Variants in PRMT5 observed in about 807,000 individuals in gnomAD.
PRMT5 encodes the protein protein arginine methyltransferase 5, also known as protein arginine N-methyltransferase 5.
A neutral mutation model predicts 84.0 loss-of-function variants in PRMT5; 15 were observed. That is an observed-to-expected ratio of 0.18 (90% CI 0.12 to 0.28). PRMT5 has a LOEUF of 0.28. PRMT5 is among the 10% of genes least tolerant of loss of function. The pLI, the probability that PRMT5 is intolerant of heterozygous loss-of-function variation, is 1.00. For missense variants in PRMT5, 486 were observed against 808.0 expected (o/e 0.60, Z 4.83); for synonymous variants, 276 against 292.4 (o/e 0.94, Z 0.57).
In PRMT5 at chr14:22,922,969, CAGA is replaced by C; in HGVS notation, c.1485+79_1485+81del. On this transcript the variant is annotated intron_variant, in intron 13 of 16. Transcript: ENST00000324366. ...TTCTCCTTCACCTCTTCATCCCCAG[CAGA>C]AGAAAATAGCTGATGCAAATACAGA... 4 of 1,413,448 alleles carry C rather than the reference CAGA, an allele frequency of 2.8e-6. No homozygotes were observed. In the South Asian group the frequency reaches 4.9e-5, roughly 17 times the overall value. 87.6% of individuals were successfully genotyped at this position (1,413,448 alleles called of 1,614,324 possible). A position where few individuals can be genotyped will look rare whatever the true frequency, so the allele number is the denominator to read the frequency against.
At chr14:22,921,100 T>C (rs576334831) in intron 16 of PRMT5, 44 bp from the exon 17 acceptor site, 1 of 1,607,040 alleles carries the variant, frequency 6.2e-7, no homozygotes, top group African/African-American at 1.3e-5. Context: ...AGCTATGAAT[T>C]ATACATGGCA....
chr14:22,927,936 C>T (rs952506700), intron 3 of PRMT5, among the ~76,000 whole-genome samples, 190 bp downstream of exon 3: 8 of 151,936 alleles, frequency 5.3e-5, no homozygotes, highest in African/African-American at 7.3e-5. Context: ...CTCGAAATCC[C>T]GAGCTCCAGT....
At position 22,926,307 on chromosome 14, in the gene PRMT5, C is replaced by T. The variant is rs956474313; in HGVS notation, c.614-11G>A. 2 of 1,611,520 alleles carry T rather than the reference C, an allele frequency of 1.2e-6. No individual in the cohort carries two copies. Among genetic ancestry groups the T allele is most frequent in the Admixed American group, 3.4e-5 (2 of 59,442 alleles). On this transcript the variant is annotated splice_polypyrimidine_tract_variant and intron_variant, in intron 6 of 16. Coordinates refer to ENST00000324366, the MANE Select transcript of PRMT5 (RefSeq NM_006109.5). ...CCCCAATTTCAAGAGCTACATGAGG[C>T]AAAAGAAAAACTGTCAACCACTGCC...
At chr14:22,921,884 TAAAAAA>T (rs34529278) in intron 16 of PRMT5, among the ~76,000 whole-genome samples, 4 of 120,014 alleles carry the variant, frequency 3.3e-5, no homozygotes, top group Non-Finnish European at 6.7e-5. Flanking sequence ...TCCGTCTCTT[TAAAAAA>T]AAAAAAAAAA....
In PRMT5 at chr14:22,928,771, A is replaced by G. The variant is rs1279005384; in HGVS notation, c.111-156T>C. ...AGTTCAGACCACCTTGGGGGATATC[A>G]ACTCTGCTGTACTGTGCCTCAATTT... On this transcript the variant is annotated intron_variant, in intron 1 of 16. Coordinates refer to ENST00000324366, the MANE Select transcript of PRMT5 (RefSeq NM_006109.5). The surrounding 1 kb of genome is among the most constrained non-coding windows in gnomAD (Gnocchi z 4.8). Among the ~76,000 whole-genome samples the G allele has an allele frequency of 6.6e-6, 1 of 152,142 alleles. No homozygotes were observed. The highest frequency in any genetic ancestry group is 1.5e-5 in the Non-Finnish European group (1 of 68,018).
rs1402305196 is a variant in PRMT5, at chr14:22,929,343, C to A, written c.19G>T (p.Gly7Trp). The A allele has an allele frequency of 6.2e-7, 1 of 1,609,682 alleles. No homozygotes were observed. Among genetic ancestry groups the A allele is most frequent in the East Asian group, 2.2e-5 (1 of 44,766 alleles). The change falls in exon 1 of 17, where the codon GGG (glycine) becomes TGG (tryptophan). Residue 7 changes from glycine (G) to tryptophan (W), a missense_variant. By Grantham distance (184) the Gly-to-Trp change is radical (BLOSUM62 -2). Transcript: ENST00000324366. MAAMAV[G>W]GAGGSRVSSG... Reference sequence around the variant, plus strand: ...GACACGCGGCTCCCACCAGCACCCCCGACCGCCATCGCCGCCATCTTTCTC... The same window carrying A: ...GACACGCGGCTCCCACCAGCACCCCAGACCGCCATCGCCGCCATCTTTCTC...
rs770184636 is a variant in PRMT5, at chr14:22,924,562, T to C, written c.1018-25A>G. On this transcript the variant is annotated intron_variant, in intron 9 of 16. Coordinates refer to ENST00000324366, the MANE Select transcript of PRMT5 (RefSeq NM_006109.5). The surrounding 1 kb of genome is among the most constrained non-coding windows in gnomAD (Gnocchi z 6.5). ...CCTGGAGGGAGGAGAGAATATCCCA[T>C]GGTTGTAATCCCATCCTCCCCAGGT... The C allele has an allele frequency of 2.5e-6, 4 of 1,613,380 alleles. No individual in the cohort carries two copies. The highest frequency in any genetic ancestry group is 3.4e-6 in the Non-Finnish European group (4 of 1,179,300).
Position 22,924,495 on chromosome 14 carries a change from TCTC to T in PRMT5, c.1057_1059del (p.Glu353del). On this transcript the variant is annotated inframe_deletion, in exon 10 of 17. Transcript: ENST00000324366. The surrounding 1 kb of genome is among the most constrained non-coding windows in gnomAD (Gnocchi z 6.5). ...AGCACTCACTGGACATTGGTATCCT[TCTC>T]CTCTTCTGGTACTCGGTCTAGCAGA... The T allele has an allele frequency of 1.2e-6, 2 of 1,614,064 alleles. No homozygotes were observed. The highest frequency in any genetic ancestry group is 8.5e-7 in the Non-Finnish European group (1 of 1,179,970).
rs1197251163 is a variant in PRMT5 at position 22,924,801 on chromosome 14, T to C, written c.939+78A>G. 44 of 1,591,628 alleles carry C rather than the reference T, an allele frequency of 2.8e-5. No individual in the cohort carries two copies. The highest frequency in any genetic ancestry group is 7.9e-5 in the South Asian group (7 of 88,862). On this transcript the variant is annotated intron_variant, in intron 8 of 16. Transcript: ENST00000324366. This position sits in a 1 kb window ranked among gnomAD's most constrained non-coding sequence, Gnocchi z 6.5. ...AAACTTTCCACTGCTTTCTGAGTTTTAGTAAGATTTGGAGGCATATATTCT... is the reference window on the plus strand; with the variant it reads ...AAACTTTCCACTGCTTTCTGAGTTTCAGTAAGATTTGGAGGCATATATTCT...
Position 22,922,554 on chromosome 14 carries a change from T to A in PRMT5, c.1585A>T (p.Met529Leu), listed in dbSNP as rs147575039. ...FTFSHPNRDPMIDNNRYCTLE... is the reference protein window; with the variant it reads ...FTFSHPNRDPLIDNNRYCTLE... ...GTGCAATAGCGGTTGTTGTCAATCA[T>A]AGGATCTGTCAGGAAATAATTATGT... The change falls in exon 15 of 17, where the codon ATG becomes TTG. Residue 529 changes from methionine (M) to leucine (L), a missense_variant. Transcript: ENST00000324366. 8 of 1,611,780 alleles carry A rather than the reference T, an allele frequency of 5.0e-6. No homozygotes were observed. Among genetic ancestry groups the A allele is most frequent in the Non-Finnish European group, 6.8e-6 (8 of 1,178,072 alleles).
Position 22,926,160 on chromosome 14 carries a change from G to T in PRMT5, c.750C>A (p.His250Gln). The T allele has an allele frequency of 6.2e-7, 1 of 1,612,636 alleles. No individual in the cohort carries two copies. The highest frequency in any genetic ancestry group is 8.5e-7 in the Non-Finnish European group (1 of 1,178,708). The change falls in exon 7 of 17, where the codon CAC (histidine) becomes CAA (glutamine). Residue 250 changes from histidine (H) to glutamine (Q), a missense_variant. His to Gln is a conservative substitution (Grantham distance 24). Transcript: ENST00000324366. ...TGAGGAGCCGGAAGATGAGCCTCTG[G>T]TGCATCTTAGAAAGAACAGGAAATC... ...KKGFPVLSKMHQRLIFRLLKL... is the reference protein window; with the variant it reads ...KKGFPVLSKMQQRLIFRLLKL...
In PRMT5 at chr14:22,927,654, A is replaced by G; in HGVS notation, c.322T>C (p.Leu108=). The G allele has an allele frequency of 6.2e-7, 1 of 1,613,748 alleles. No homozygotes were observed. Among genetic ancestry groups the G allele is most frequent in the South Asian group, 1.1e-5 (1 of 91,064 alleles). ...TATGCACCAAAATTCAGCTCCTGTAACATGGCCTGGAACGGAGATGAAGAG... is the reference window on the plus strand; with the variant it reads ...TATGCACCAAAATTCAGCTCCTGTAGCATGGCCTGGAACGGAGATGAAGAG... ...KIRRNSEAAM[L]QELNFGAYLG... Residue 108 remains leucine (L), a synonymous_variant, in exon 4 of 17, where the codon TTA becomes CTA. Transcript: ENST00000324366.
Position 22,924,930 on chromosome 14 carries a change from G to C in PRMT5, c.888C>G (p.Ala296=). 1 of 1,614,170 alleles carries C rather than the reference G, an allele frequency of 6.2e-7. No individual in the cohort carries two copies. Among genetic ancestry groups the C allele is most frequent in the Non-Finnish European group, 8.5e-7 (1 of 1,180,034 alleles). ...YLSQNRPPPN[A]YELFAKGYED... The stretch of plus-strand genomic sequence containing the variant: ...CATAGCCCTTGGCAAAGAGTTCATA[G>C]GCATTAGGTGGAGGACGGTTCTGGC... Residue 296 remains alanine (A), a synonymous_variant, in exon 8 of 17, where the codon GCC becomes GCG. Coordinates refer to ENST00000324366, the MANE Select transcript of PRMT5 (RefSeq NM_006109.5). This position sits in a 1 kb window ranked among gnomAD's most constrained non-coding sequence, Gnocchi z 6.5.
At position 22,928,855 on chromosome 14, in the gene PRMT5, G is replaced by A. The variant is rs1222600061; in HGVS notation, c.111-240C>T. Among the ~76,000 whole-genome samples the A allele has an allele frequency of 6.6e-6, 1 of 152,120 alleles. No homozygotes were observed. Among genetic ancestry groups the A allele is most frequent in the Non-Finnish European group, 1.5e-5 (1 of 68,016 alleles). ...AGGAGAAAATGATGGATATCCACAA[G>A]TAGAATTTTTTTCTCCTCAGGTGTC... On this transcript the variant is annotated intron_variant, in intron 1 of 16. Coordinates refer to ENST00000324366, the MANE Select transcript of PRMT5 (RefSeq NM_006109.5). This position sits in a 1 kb window ranked among gnomAD's most constrained non-coding sequence, Gnocchi z 4.8.
chr14:22,926,075 C>T, intron 7 of PRMT5, 58 bp downstream of exon 7: 1 of 1,490,768 alleles, frequency 6.7e-7, no homozygotes, highest in Non-Finnish European at 9.2e-7. Flanking sequence ...CGATCATACA[C>T]AGGTAAATAA....
At chr14:22,927,488 C>G (rs1162392776) in intron 4 of PRMT5, 38 bp downstream of exon 4, 1 of 1,612,388 alleles carries the variant, frequency 6.2e-7, no homozygotes, top group Non-Finnish European at 8.5e-7. Context: ...AATCTGACTA[C>G]TATGATATGC....
Position 22,922,194 on chromosome 14 carries a change from G to A in PRMT5, c.1743C>T (p.Pro581=), listed in dbSNP as rs776329144. ...THSPGMFSWF[P]ILFPIKQPIT... is the part of the protein sequence containing the mutation. ...TTCCTACCTTAATAGGGAAGAGGAT[G>A]GGAAACCATGAGAACATCCCAGGAG... Residue 581 remains proline, a synonymous_variant, in exon 16 of 17, where the codon CCC becomes CCT. Coordinates refer to ENST00000324366, the MANE Select transcript of PRMT5 (RefSeq NM_006109.5). 1 of 1,589,888 alleles carries A rather than the reference G, an allele frequency of 6.3e-7. No individual in the cohort carries two copies. The highest frequency in any genetic ancestry group is 8.6e-7 in the Non-Finnish European group (1 of 1,157,926).
In PRMT5 at chr14:22,920,927, G is replaced by A. The variant is rs996790023; in HGVS notation, c.1891C>T (p.Arg631Cys). 6.2e-6 allele frequency: 10 copies of A among 1,614,056 alleles called. No individual in the cohort carries two copies. Among genetic ancestry groups the A allele is most frequent in the East Asian group, 2.2e-5 (1 of 44,894 alleles). Residue 631 changes from arginine to cysteine, a missense_variant, in exon 17 of 17, where the codon CGC becomes TGC. By Grantham distance (180) the Arg-to-Cys change is radical. This residue lies in a region of PRMT5 where 219 missense variants were observed against 433.6 expected (regional missense o/e 0.51). Transcript: ENST00000324366. Reference protein sequence around the residue: ...VCSAIHNPTGRSYTIGL With the variant: ...VCSAIHNPTGCSYTIGL ...GGCTAGAGGCCAATGGTATATGAGC[G>A]GCCTGTGGGGTTATGAATAGCAGAA...
chr14:22,926,571 C>T lies in PRMT5; in HGVS notation c.564-16G>A. On this transcript the variant is annotated splice_polypyrimidine_tract_variant and intron_variant, in intron 5 of 16. Coordinates refer to ENST00000324366, the MANE Select transcript of PRMT5 (RefSeq NM_006109.5). ...GTTGTGCCACCTGTTCAGTCAAATA[C>T]AGAAAAGTACAGTAAACTAGATATG... 6.2e-7 allele frequency: 1 copy of T among 1,614,086 alleles called. No individual in the cohort carries two copies. The highest frequency in any genetic ancestry group is 8.5e-7 in the Non-Finnish European group (1 of 1,179,978).
Sources: gnomAD v4.1 joint callset for allele counts (sites outside exome capture counted in the v4.1 genomes callset) on GRCh38, gnomAD v4.1.1 for gene constraint, gnomAD v4.1.1 regional missense constraint, Gnocchi (gnomAD v3.1) non-coding constraint, MANE v1.5 for transcripts, NCBI Gene and HGNC (gene_info 2026-07-23, HGNC 2026-07-21) for gene names.